ENTPD6: variants seen among roughly 807,000 people sequenced by gnomAD.
ENTPD6 encodes the protein ectonucleoside triphosphate diphosphohydrolase 6.
Under a neutral mutation model 61.5 loss-of-function variants are expected in ENTPD6, and 46 were observed. That is an observed-to-expected ratio of 0.75 (90% CI 0.59 to 0.96). ENTPD6 has a LOEUF of 0.96. ENTPD6 is among the 40% of genes least tolerant of loss of function. ENTPD6 has a pLI of 0.00. For missense variants in ENTPD6, 612 were observed against 629.0 expected (o/e 0.97, Z 0.29); for synonymous variants, 252 against 255.5 (o/e 0.99, Z 0.13).
At chr20:25,223,441 G>C (rs1395954050) in intron 12 of ENTPD6, among the ~76,000 whole-genome samples, 1 of 152,258 alleles carries the variant, frequency 6.6e-6, no homozygotes, top group Non-Finnish European at 1.5e-5. Flanking sequence ...GCTGAGGCTA[G>C]TGGTGGTCAG....
chr20:25,196,102 C>A, intron 1 of ENTPD6: 2 of 1,127,406 alleles, frequency 1.8e-6, no homozygotes, highest in East Asian at 3.2e-5. Context: ...GGCCAAATAG[C>A]AGGGGCCTGT....
chr20:25,225,919 G>A lies in ENTPD6; in HGVS notation c.*322G>A, dbSNP rs922687762. The A allele has an allele frequency of 8.4e-5, 20 of 239,332 alleles. No homozygotes were observed. Among genetic ancestry groups the A allele is most frequent in the African/African-American group, 3.8e-4 (17 of 44,360 alleles). The allele number at this position is 239,332 out of a possible 1,614,324, so 14.8% of individuals were successfully genotyped here. A position where few individuals can be genotyped will look rare whatever the true frequency, so the allele number is the denominator to read the frequency against. ...CCTGCCTGTCCCATCCCCATGCCCC[G>A]TCCGCGGGGCTGTGGCTGCTGCTGT... is the stretch of plus-strand genomic sequence containing the variant. On this transcript the variant is annotated 3_prime_UTR_variant, in exon 15 of 15. Transcript: ENST00000376652.
At chr20:25,220,931 A>G (rs1037573432) in intron 10 of ENTPD6, among the ~76,000 whole-genome samples, 2 of 152,264 alleles carry the variant, frequency 1.3e-5, no homozygotes, top group South Asian at 4.1e-4. Flanking sequence ...AAAACTGGGT[A>G]ATGATGGCTC....
intron 2 of ENTPD6, 64 bp from the exon 3 acceptor site, chr20:25,207,012 T>A (rs942350367): frequency 6.8e-7 from 1 of 1,467,124 alleles, no homozygotes; most frequent in Non-Finnish European, 9.2e-7. Flanking sequence ...CCTGGGGACG[T>A]CTGACTCTCC....
chr20:25,213,332 AC>A lies in ENTPD6; in HGVS notation c.527del (p.Pro176LeufsTer25). 6.2e-7 allele frequency: 1 copy of A among 1,614,168 alleles called. No homozygotes were observed. Among genetic ancestry groups the A allele is most frequent in the Non-Finnish European group, 8.5e-7 (1 of 1,180,034 alleles). ...CATTCCGTTCGACTTCTGGAAGGCC[AC>A]CCCTCTGGTCCTCAAGGCCACAGCT... The part of the protein sequence containing the change: ...QDIPFDFWKA[T>X]PLVLKATAGL... On this transcript the variant is annotated frameshift_variant, in exon 5 of 15. Transcript: ENST00000376652. LOFTEE classifies it high-confidence loss of function.
chr20:25,218,247 A>C (rs949435551), intron 9 of ENTPD6, among the ~76,000 whole-genome samples: 5 of 152,224 alleles, frequency 3.3e-5, no homozygotes, highest in African/African-American at 1.2e-4. Flanking sequence ...TGCCACGTGC[A>C]GTCTTCAGTC....
intron 10 of ENTPD6, among the ~76,000 whole-genome samples, chr20:25,220,644 C>T (rs905547507): frequency 3.3e-5 from 5 of 152,232 alleles, no homozygotes; most frequent in Non-Finnish European, 7.3e-5. Flanking sequence ...GAAGGCTACC[C>T]TGATGCCACC....
Position 25,218,414 on chromosome 20 carries a change from T to TAG in ENTPD6, c.879-134_879-133dup, listed in dbSNP as rs1290464345. 676 of 739,778 alleles carry TAG rather than the reference T, an allele frequency of 9.1e-4. 7 individuals carry two copies. The highest frequency in any genetic ancestry group is 8.8e-5 in the Non-Finnish European group (38 of 432,384). The allele number at this position is 739,778 out of a possible 1,614,324, so 45.8% of individuals were successfully genotyped here. On this transcript the variant is annotated intron_variant, in intron 9 of 14. Coordinates refer to ENST00000376652, the MANE Select transcript of ENTPD6 (RefSeq NM_001247.5). ...CCTCAACTCTACAGAAACAGGCTTTTAGAAGGAGCAGAGAAGCTCACTAAC... is the reference window on the plus strand; with the variant it reads ...CCTCAACTCTACAGAAACAGGCTTTTAGAGAAGGAGCAGAGAAGCTCACTAAC...
intron 1 of ENTPD6, chr20:25,196,959 C>G: frequency 1.2e-5 from 4 of 332,592 alleles, no homozygotes; most frequent in Non-Finnish European, 1.7e-5. Flanking sequence ...AAGCGCCTCC[C>G]CTCCCACCGC....
At chr20:25,217,628 G>A in intron 9 of ENTPD6, 47 bp downstream of exon 9, 1 of 1,540,638 alleles carries the variant, frequency 6.5e-7, no homozygotes, top group South Asian at 1.1e-5. Flanking sequence ...GGGTGGGTAT[G>A]CAGCTCCCAG....
intron 12 of ENTPD6, among the ~76,000 whole-genome samples, chr20:25,223,207 C>T (rs2092696641): frequency 6.6e-6 from 1 of 152,126 alleles, no homozygotes; most frequent in Admixed American, 6.5e-5. Context: ...CTGTTGATTC[C>T]AGTTCCTGCT....
chr20:25,216,579 C>T (rs1383830280), intron 7 of ENTPD6, 69 bp from the exon 8 acceptor site: 1 of 1,198,460 alleles, frequency 8.3e-7, no homozygotes, highest in Non-Finnish European at 1.2e-6. Context: ...CTGGCTTTCA[C>T]CCTGGCTTTT....
At chr20:25,210,332 CAAA>C (rs2091875228) in intron 4 of ENTPD6, among the ~76,000 whole-genome samples, 1 of 152,030 alleles carries the variant, frequency 6.6e-6, no homozygotes, top group Non-Finnish European at 1.5e-5. Context: ...TCGAAGATAG[CAAA>C]CATTGACTGA....
rs1465210150 is a variant in ENTPD6, at chr20:25,225,978, C to G, written c.*381C>G. ...CTGCGATGGGAGTCTTGTCTCCCAG[C>G]CTGTCAGTTTCCTCCCCAGGGCAGA... On this transcript the variant is annotated 3_prime_UTR_variant, in exon 15 of 15. Transcript: ENST00000376652. The G allele has an allele frequency of 6.0e-6, 1 of 167,490 alleles. No homozygotes were observed. The highest frequency in any genetic ancestry group is 2.4e-5 in the African/African-American group (1 of 41,992). 10.4% of individuals were successfully genotyped at this position (167,490 alleles called of 1,614,324 possible).
At chr20:25,210,208 T>C (rs1280047531) in intron 4 of ENTPD6, among the ~76,000 whole-genome samples, 3 of 152,246 alleles carry the variant, frequency 2.0e-5, no homozygotes, top group Non-Finnish European at 2.9e-5. Context: ...GAAGCACAAA[T>C]CCTGCAAACT....
At chr20:25,211,295 A>G (rs1365342843) in intron 4 of ENTPD6, among the ~76,000 whole-genome samples, 2 of 152,238 alleles carry the variant, frequency 1.3e-5, no homozygotes, top group African/African-American at 4.8e-5. Context: ...GTGACCTTAC[A>G]GTTAAACCTG....
chr20:25,197,479 G>A (rs1485141571), intron 1 of ENTPD6, among the ~76,000 whole-genome samples: 2 of 152,178 alleles, frequency 1.3e-5, no homozygotes, highest in Non-Finnish European at 2.9e-5. Flanking sequence ...AACAGACTGA[G>A]ATGGCATTGT....
intron 1 of ENTPD6, chr20:25,196,304 C>CCAATGCCAGGGTGAA: frequency 2.2e-6 from 2 of 906,390 alleles, no homozygotes; most frequent in Non-Finnish European, 2.7e-6. Context: ...ACGATTCACC[C>CCAATGCCAGGGTGAA]TGGCATTGGG....
chr20:25,222,816 C>G (rs2092682406), intron 11 of ENTPD6, 22 bp from the exon 12 acceptor site: 1 of 1,612,448 alleles, frequency 6.2e-7, no homozygotes, highest in Non-Finnish European at 8.5e-7. Context: ...CCACTGACCG[C>G]TAGCCTTGTG....
Sources: allele counts gnomAD v4.1 joint callset (sites outside exome capture counted in the v4.1 genomes callset), GRCh38; gene constraint gnomAD v4.1.1; transcripts MANE v1.5; gene names NCBI Gene and HGNC (gene_info 2026-07-23, HGNC 2026-07-21).